The following DENND3 variants were observed in gnomAD, a reference collection of about 807,000 sequenced individuals.
DENND3 encodes DENN domain containing 3.
In DENND3, 88 loss-of-function variants were observed where a neutral mutation model predicts 135.1. The ratio of observed to expected loss-of-function variants is 0.65; its 90% CI spans 0.55 to 0.78. The LOEUF is 0.78. DENND3 is among the 30% of genes least tolerant of loss of function. DENND3 has a pLI of 0.00. For missense variants in DENND3, 1,392 were observed against 1,688.4 expected (o/e 0.82, Z 3.08); for synonymous variants, 693 against 712.3 (o/e 0.97, Z 0.43).
At position 141,175,173 on chromosome 8, in the gene DENND3, C is replaced by A; in HGVS notation, c.2276-27C>A. The A allele has an allele frequency of 1.3e-6, 2 of 1,598,288 alleles. No homozygotes were observed. Among genetic ancestry groups the A allele is most frequent in the Non-Finnish European group, 1.7e-6 (2 of 1,171,104 alleles). Reference sequence around the variant, plus strand: ...TCCCGAGGTATGTGGCTGTAAGATACCTCTCTTTTCTTCTTATCAAACTAA... The same window carrying A: ...TCCCGAGGTATGTGGCTGTAAGATAACTCTCTTTTCTTCTTATCAAACTAA... On this transcript the variant is annotated intron_variant, in intron 13 of 22. Transcript: ENST00000519811. The surrounding 1 kb of genome is among the most constrained non-coding windows in gnomAD (Gnocchi z 5.4).
intron 4 of DENND3, chr8:141,142,620 T>A (rs1427553251): frequency 6.4e-6 from 2 of 312,628 alleles, no homozygotes; most frequent in Admixed American, 9.7e-5. Flanking sequence ...GGTGACTTGG[T>A]CGTAGCCAAT....
At chr8:141,143,280 T>G (rs1032376272) in intron 4 of DENND3, among the ~76,000 whole-genome samples, 3 of 152,358 alleles carry the variant, frequency 2.0e-5, no homozygotes, top group East Asian at 3.9e-4. Context: ...TTTAAATTTT[T>G]TTTTATTATA....
Position 141,146,622 on chromosome 8 carries a change from C to A in DENND3, c.735+2363C>A, listed in dbSNP as rs1237876106. On this transcript the variant is annotated intron_variant, in intron 5 of 22. Transcript: ENST00000519811. This position sits in a 1 kb window ranked among gnomAD's most constrained non-coding sequence, Gnocchi z 4.3. ...TACTGACAATGGAAAAAATAAGTTTCTTGTATCAAAAGACACATGATTGTG... is the reference window on the plus strand; with the variant it reads ...TACTGACAATGGAAAAAATAAGTTTATTGTATCAAAAGACACATGATTGTG... Among the ~76,000 whole-genome samples, 1 of 152,112 alleles carries A rather than the reference C, an allele frequency of 6.6e-6. No homozygotes were observed. Among genetic ancestry groups the A allele is most frequent in the Non-Finnish European group, 1.5e-5 (1 of 68,022 alleles).
In DENND3 at chr8:141,128,764, C is replaced by T. The variant is rs753241355; in HGVS notation, c.57C>T (p.Cys19=). The T allele has an allele frequency of 2.2e-5, 32 of 1,469,634 alleles. No individual in the cohort carries two copies. Among genetic ancestry groups the T allele is most frequent in the African/African-American group, 1.8e-4 (12 of 68,252 alleles). The allele number at this position is 1,469,634 out of a possible 1,614,324, so 91.0% of individuals were successfully genotyped here. The change falls in exon 1 of 23, where the codon TGC becomes TGT. Residue 19 remains cysteine (C), a synonymous_variant. Transcript: ENST00000519811. The surrounding 1 kb of genome is among the most constrained non-coding windows in gnomAD (Gnocchi z 4.5). ...LSLPSGLLEL[C]ALLGAPRDSL... ...TGCCCTCGGGGCTGCTGGAGCTCTG[C>T]GCGCTGCTGGGCGCCCCCCGGGACA...
At position 141,178,087 on chromosome 8, in the gene DENND3, G is replaced by A; in HGVS notation, c.2727G>A (p.Gln909=). ...DDHKDPHYVQ[Q]ALTNVLLMDA... is the part of the protein sequence containing the mutation. ...TGTAGGACCCTCACTACGTCCAGCA[G>A]GCGCTGACCAACGTCTTGCTGATGG... is the stretch of plus-strand genomic sequence containing the variant. Residue 909 remains glutamine, a synonymous_variant, in exon 16 of 23, where the codon CAG becomes CAA. Coordinates refer to ENST00000519811, the MANE Select transcript of DENND3 (RefSeq NM_001352890.3). The A allele has an allele frequency of 6.2e-7, 1 of 1,610,540 alleles. No individual in the cohort carries two copies. Among genetic ancestry groups the A allele is most frequent in the South Asian group, 1.1e-5 (1 of 90,998 alleles).
intron 20 of DENND3, chr8:141,191,944 C>T (rs78083244): frequency 4.9e-4 from 80 of 164,056 alleles, no homozygotes; most frequent in African/African-American, 1.8e-3. Flanking sequence ...CAACCTTAAC[C>T]GATCACCCTC....
At chr8:141,190,612 C>A in intron 20 of DENND3, 195 bp downstream of exon 20, 1 of 774,376 alleles carries the variant, frequency 1.3e-6, no homozygotes, top group Non-Finnish European at 1.9e-6. Flanking sequence ...CCCCAGGCCT[C>A]CCTCTGCCTT....
Position 141,195,723 on chromosome 8 carries a change from C to A in DENND3, c.*1490C>A, listed in dbSNP as rs1825245317. Reference sequence around the variant, plus strand: ...GATAAAAGTCTGTCAGTCAAAAATACATTTATAAATTATTTAATGCCAGTC... The same window carrying A: ...GATAAAAGTCTGTCAGTCAAAAATAAATTTATAAATTATTTAATGCCAGTC... On this transcript the variant is annotated 3_prime_UTR_variant, in exon 23 of 23. Transcript: ENST00000519811. 6.6e-6 allele frequency: 1 copy of A among 152,186 alleles called. No individual in the cohort carries two copies. The highest frequency in any genetic ancestry group is 1.9e-4 in the East Asian group (1 of 5,190). The allele number at this position is 152,186 out of a possible 1,614,324, so 9.4% of individuals were successfully genotyped here.
In DENND3 at chr8:141,174,384, G is replaced by A. The variant is rs1031532279; in HGVS notation, c.2276-816G>A. Among the ~76,000 whole-genome samples, 2 of 152,160 alleles carry A rather than the reference G, an allele frequency of 1.3e-5. No individual in the cohort carries two copies. Among genetic ancestry groups the A allele is most frequent in the Non-Finnish European group, 2.9e-5 (2 of 68,022 alleles). On this transcript the variant is annotated intron_variant, in intron 13 of 22. Coordinates refer to ENST00000519811, the MANE Select transcript of DENND3 (RefSeq NM_001352890.3). The surrounding 1 kb of genome is among the most constrained non-coding windows in gnomAD (Gnocchi z 4.6). ...CAGAACTGAGGGGGACTTGCTGCACGTCAGGGGACAGAGAGAGGGACACTG... is the reference window on the plus strand; with the variant it reads ...CAGAACTGAGGGGGACTTGCTGCACATCAGGGGACAGAGAGAGGGACACTG...
intron 9 of DENND3, among the ~76,000 whole-genome samples, chr8:141,163,002 C>T (rs889942916): frequency 1.3e-5 from 2 of 152,228 alleles, no homozygotes; most frequent in Non-Finnish European, 2.9e-5. Flanking sequence ...GAGAGTCTGG[C>T]TGCCCCTCTG....
rs1816741874 is a variant in DENND3, at chr8:141,135,969, G to T, written c.103-540G>T. Among the ~76,000 whole-genome samples, 4 of 152,196 alleles carry T rather than the reference G, an allele frequency of 2.6e-5. No homozygotes were observed. In the South Asian group the frequency reaches 8.3e-4, roughly 32 times the overall value. On this transcript the variant is annotated intron_variant, in intron 1 of 22. Coordinates refer to ENST00000519811, the MANE Select transcript of DENND3 (RefSeq NM_001352890.3). ...AGGAGGCAGCACTGGCCCACGTGGG[G>T]GTGTGGAGGGCGTGGCCCTGGTAAA...
Position 141,182,434 on chromosome 8 carries a change from G to A in DENND3, c.2944+1580G>A, listed in dbSNP as rs959078471. The A allele has an allele frequency of 2.6e-5, 26 of 985,300 alleles. No homozygotes were observed. Among genetic ancestry groups the A allele is most frequent in the Admixed American group, 1.8e-4 (3 of 16,264 alleles). 61.0% of individuals were successfully genotyped at this position (985,300 alleles called of 1,614,324 possible). A position where few individuals can be genotyped will look rare whatever the true frequency, so the allele number is the denominator to read the frequency against. On this transcript the variant is annotated intron_variant, in intron 17 of 22. Transcript: ENST00000519811. The surrounding 1 kb of genome is among the most constrained non-coding windows in gnomAD (Gnocchi z 5.9). The stretch of plus-strand genomic sequence containing the variant: ...CTAAGCCAGGCTCTGTGCTGACTTC[G>A]CCAGAGATGACTCCACAGACCAAGA...
Position 141,190,406 on chromosome 8 carries a change from G to A in DENND3, c.3368G>A (p.Arg1123His), listed in dbSNP as rs370785525. 37 of 1,608,724 alleles carry A rather than the reference G, an allele frequency of 2.3e-5. No homozygotes were observed. In the East Asian group the frequency reaches 3.1e-4, roughly 14 times the overall value. The part of the protein sequence containing the change: ...GLTSIRLHGG[R>H]LWCCTGNSIM... The stretch of plus-strand genomic sequence containing the variant: ...ACGTCCATCAGACTGCACGGCGGCC[G>A]CCTGTGGTGCTGTAAGTCCGGCCCC... The change falls in exon 20 of 23, where the codon CGC becomes CAC. Residue 1123 changes from arginine (R) to histidine (H), a missense_variant. Coordinates refer to ENST00000519811, the MANE Select transcript of DENND3 (RefSeq NM_001352890.3).
At chr8:141,189,491 C>T (rs757681681) in intron 19 of DENND3, among the ~76,000 whole-genome samples, 6 of 152,236 alleles carry the variant, frequency 3.9e-5, no homozygotes, top group Non-Finnish European at 5.9e-5. Context: ...GCCTGATAAT[C>T]GCCTGAGTGC....
chr8:141,165,021 G>A (rs768131713), intron 10 of DENND3, among the ~76,000 whole-genome samples, 165 bp from the exon 11 acceptor site: 1 of 152,196 alleles, frequency 6.6e-6, no homozygotes, highest in Non-Finnish European at 1.5e-5. Flanking sequence ...TTCTTCTCCT[G>A]TGTGAATGAG....
chr8:141,167,603 A>G lies in DENND3; in HGVS notation c.1754-401A>G, dbSNP rs1329863026. On this transcript the variant is annotated intron_variant, in intron 12 of 22. Transcript: ENST00000519811. This position sits in a 1 kb window ranked among gnomAD's most constrained non-coding sequence, Gnocchi z 4.1. ...TTCCGCATCTGTAGAACGGGACTAT[A>G]GTAATAATACCCCTGTCCTGAGTTG... Among the ~76,000 whole-genome samples, 4 of 152,226 alleles carry G rather than the reference A, an allele frequency of 2.6e-5. No homozygotes were observed. Among genetic ancestry groups the G allele is most frequent in the African/African-American group, 9.7e-5 (4 of 41,444 alleles).
At chr8:141,190,690 G>T in intron 20 of DENND3, 1 of 388,908 alleles carries the variant, frequency 2.6e-6, no homozygotes, top group Admixed American at 4.8e-5. Context: ...CCCTCACCTT[G>T]GCTTTTGCTG....
intron 6 of DENND3, 152 bp from the exon 7 acceptor site, chr8:141,151,467 G>A: frequency 1.5e-6 from 1 of 669,062 alleles, no homozygotes; most frequent in South Asian, 1.9e-5. Flanking sequence ...AGGCCAAGGT[G>A]GGAGGATTGC....
chr8:141,131,879 G>C (rs77686965), intron 1 of DENND3, among the ~76,000 whole-genome samples: 3,170 of 152,256 alleles, frequency 0.021, 39 homozygotes, highest in Non-Finnish European at 0.033. Context: ...CTAGCGTCTC[G>C]GTGGTGGCGG....
Sources: gnomAD v4.1 joint callset for allele counts (sites outside exome capture counted in the v4.1 genomes callset) on GRCh38, gnomAD v4.1.1 for gene constraint, Gnocchi (gnomAD v3.1) non-coding constraint, MANE v1.5 for transcripts, NCBI Gene and HGNC (gene_info 2026-07-23, HGNC 2026-07-21) for gene names.